Variants in GPC6 observed in about 807,000 individuals in gnomAD.
GPC6 encodes glypican 6.
A neutral mutation model predicts 55.2 loss-of-function variants in GPC6; 14 were observed. The ratio of observed to expected loss-of-function variants is 0.25; its 90% confidence interval spans 0.17 to 0.40. GPC6 has a LOEUF of 0.40. Among genes scored for constraint, GPC6 ranks in the 10% least tolerant of loss-of-function variants. GPC6 has a pLI of 1.00. For missense variants in GPC6, 641 were observed against 708.5 expected, an observed-to-expected ratio of 0.90 and a Z score of 1.08; for synonymous variants, 278 against 259.6, an observed-to-expected ratio of 1.07 and a Z score of -0.68.
At chr13:93,643,223 A>G (rs1225699816) in intron 2 of GPC6, among the ~76,000 whole-genome samples, 1 of 152,016 alleles carries the variant, frequency 6.6e-6, no homozygotes, top group Non-Finnish European at 1.5e-5. Flanking sequence ...CTAATTGAGC[A>G]TTTGGTGTGA....
At chr13:93,861,151 C>G (rs1026301719) in intron 3 of GPC6, among the ~76,000 whole-genome samples, 1 of 151,144 alleles carries the variant, frequency 6.6e-6, no homozygotes. Flanking sequence ...AAAATACTAG[C>G]TGTTATTCAT....
intron 1 of GPC6, among the ~76,000 whole-genome samples, chr13:93,455,138 A>T (rs1266696937): frequency 6.6e-6 from 1 of 152,104 alleles, no homozygotes; most frequent in African/African-American, 2.4e-5. Context: ...CAAGCGGCGC[A>T]CGCAGCCCCG....
At position 93,671,063 on chromosome 13, in the gene GPC6, G is replaced by A. The variant is rs575494271; in HGVS notation, c.319+125642G>A. 2.0e-5 allele frequency among the ~76,000 whole-genome samples: 3 copies of A among 152,222 alleles called. No individual in the cohort carries two copies. In the East Asian group the frequency reaches 5.8e-4, roughly 29 times the overall value. On this transcript the variant is annotated intron_variant, in intron 2 of 8. Transcript: ENST00000377047. ...GCCATCTGCTTAATGTCTCTCAATG[G>A]TTTCTCATTACCTACAGCAGCATTT...
intron 4 of GPC6, among the ~76,000 whole-genome samples, chr13:94,208,824 C>T (rs905946771): frequency 1.0e-4 from 15 of 147,534 alleles, no homozygotes; most frequent in South Asian, 8.6e-4. Context: ...GACGCTGAAG[C>T]GGGAGGATCC....
chr13:93,416,956 C>T (rs571681341), intron 1 of GPC6, among the ~76,000 whole-genome samples: 6 of 152,112 alleles, frequency 3.9e-5, no homozygotes, highest in Non-Finnish European at 7.4e-5. Flanking sequence ...CATTGAATCA[C>T]TTGACCTGGA....
rs192702974 is a variant in GPC6, at chr13:94,244,706, T to G, written c.878-41643T>G. Among the ~76,000 whole-genome samples, 888 of 152,116 alleles carry G rather than the reference T, an allele frequency of 5.8e-3. 5 individuals carry two copies. The highest frequency in any genetic ancestry group is 8.0e-3 in the Non-Finnish European group (545 of 67,964). On this transcript the variant is annotated intron_variant, in intron 4 of 8. Transcript: ENST00000377047. ...TGAAGCTTTAGGACACTGAAGTCATTGACAGTTTTAAGTGAAGGCAGAGTA... is the reference window on the plus strand; with the variant it reads ...TGAAGCTTTAGGACACTGAAGTCATGGACAGTTTTAAGTGAAGGCAGAGTA...
intron 2 of GPC6, among the ~76,000 whole-genome samples, chr13:93,726,951 T>A (rs1424815399): frequency 6.6e-6 from 1 of 152,072 alleles, no homozygotes; most frequent in Admixed American, 6.6e-5. Flanking sequence ...GAGAGAAAAG[T>A]CTTGTTTGCA....
intron 2 of GPC6, among the ~76,000 whole-genome samples, chr13:93,828,320 T>G (rs1356573209): frequency 6.6e-6 from 1 of 152,156 alleles, no homozygotes; most frequent in Non-Finnish European, 1.5e-5. Context: ...ACTTTCATTC[T>G]TGGTTTCCAG....
intron 4 of GPC6, among the ~76,000 whole-genome samples, chr13:94,178,025 A>ATTTTTTTTTTTTTTTTTTTTTT (rs767978319): frequency 2.7e-4 from 36 of 132,954 alleles, no homozygotes; most frequent in East Asian, 6.3e-4. Context: ...TGGCCTTTTA[A>ATTTTTTTTTTTTTTTTTTTTTT]TTTTTTTTTT....
chr13:94,303,765 C>CAA (rs11300129), intron 5 of GPC6, among the ~76,000 whole-genome samples: 108 of 98,268 alleles, frequency 1.1e-3, no homozygotes, highest in Admixed American at 2.2e-3. Context: ...TAACTCCCTC[C>CAA]AAAAAAAAAA....
At chr13:94,319,267 T>A (rs1281635981) in intron 6 of GPC6, among the ~76,000 whole-genome samples, 1 of 152,168 alleles carries the variant, frequency 6.6e-6, no homozygotes. Context: ...AATTTTAACA[T>A]GCATCCTAAC....
intron 4 of GPC6, among the ~76,000 whole-genome samples, chr13:94,212,127 T>A (rs1890099108): frequency 6.6e-6 from 1 of 152,328 alleles, no homozygotes; most frequent in Middle Eastern, 3.4e-3. Flanking sequence ...TGTTTTCTTA[T>A]TTGTAAAAAT....
chr13:94,272,261 A>C (rs985962829), intron 4 of GPC6, among the ~76,000 whole-genome samples: 2 of 151,824 alleles, frequency 1.3e-5, no homozygotes, highest in Non-Finnish European at 2.9e-5. Context: ...GATTCATTCC[A>C]TGTAGGTTGC....
chr13:93,794,180 G>T (rs1265895670), intron 2 of GPC6, among the ~76,000 whole-genome samples: 2 of 152,246 alleles, frequency 1.3e-5, no homozygotes, highest in South Asian at 2.1e-4. Context: ...GATAGTACAT[G>T]GTTCAAAGAG....
chr13:93,770,716 T>C (rs1885263146), intron 2 of GPC6, among the ~76,000 whole-genome samples: 1 of 152,150 alleles, frequency 6.6e-6, no homozygotes, highest in Non-Finnish European at 1.5e-5. Flanking sequence ...AACTGCTTTT[T>C]GAAATTTGCT....
chr13:93,244,449 C>T (rs543093238), intron 1 of GPC6, among the ~76,000 whole-genome samples: 3 of 152,252 alleles, frequency 2.0e-5, no homozygotes, highest in Non-Finnish European at 4.4e-5. Flanking sequence ...GGTTGCAAAT[C>T]TCGCTTGGGA....
intron 1 of GPC6, among the ~76,000 whole-genome samples, chr13:93,328,678 TAA>T (rs66848105): frequency 2.0e-4 from 27 of 135,452 alleles, no homozygotes; most frequent in Admixed American, 5.1e-4. Context: ...TTGTCTCAAT[TAA>T]AAAAAAAAAA....
chr13:93,741,100 C>T lies in GPC6; in HGVS notation c.320-89054C>T, dbSNP rs561767860. Reference sequence around the variant, plus strand: ...TTATGTTTGAACTTTTGTAGTATACCGATACCCATCCAGAATCTTTTTTTT... The same window carrying T: ...TTATGTTTGAACTTTTGTAGTATACTGATACCCATCCAGAATCTTTTTTTT... On this transcript the variant is annotated intron_variant, in intron 2 of 8. Coordinates refer to ENST00000377047, the MANE Select transcript of GPC6 (RefSeq NM_005708.5). Among the ~76,000 whole-genome samples, 40 of 148,606 alleles carry T rather than the reference C, an allele frequency of 2.7e-4. No individual in the cohort carries two copies. The South Asian group carries it at 6.0e-3, about 22-fold the overall frequency.
intron 3 of GPC6, among the ~76,000 whole-genome samples, chr13:93,952,926 T>C (rs1879335431): frequency 6.7e-6 from 1 of 149,986 alleles, no homozygotes; most frequent in African/African-American, 2.4e-5. Flanking sequence ...TATACACGTA[T>C]ATATATAGTC....
Sources: gnomAD v4.1 joint callset for allele counts (sites outside exome capture counted in the v4.1 genomes callset) on GRCh38, gnomAD v4.1.1 for gene constraint, MANE v1.5 for transcripts, NCBI Gene and HGNC (gene_info 2026-07-23, HGNC 2026-07-21) for gene names.